Variants in CLYBL observed in about 807,000 individuals in gnomAD.
CLYBL encodes citramalyl-CoA lyase, mitochondrial.
In CLYBL, 31 loss-of-function variants were observed where a neutral mutation model predicts 38.9. The ratio of observed to expected loss-of-function variants is 0.80; its 90% CI spans 0.60 to 1.08. The LOEUF (loss-of-function observed/expected upper bound fraction) is 1.08. Among genes scored for constraint, CLYBL ranks in the 50% least tolerant of loss-of-function variants. CLYBL has a pLI of 0.00. For synonymous variants in CLYBL, 171 were observed against 158.6 expected, an observed-to-expected ratio of 1.08 and a Z score of -0.59; for missense variants, 434 against 411.6, an observed-to-expected ratio of 1.05 and a Z score of -0.47.
At chr13:99,756,287 C>T (rs142342500) in intron 1 of CLYBL, among the ~76,000 whole-genome samples, 1 of 152,262 alleles carries the variant, frequency 6.6e-6, no homozygotes. Flanking sequence ...GGATTAAATT[C>T]TGGTTACTAT....
In CLYBL at chr13:99,833,042, T is replaced by A. The variant is rs1198163169; in HGVS notation, c.250-25819T>A. Among the ~76,000 whole-genome samples the A allele has an allele frequency of 2.0e-3, 132 of 65,498 alleles. 3 individuals carry two copies. The highest frequency in any genetic ancestry group is 3.1e-3 in the Non-Finnish European group (99 of 31,456). 43.0% of individuals were successfully genotyped at this position (65,498 alleles called of 152,430 possible). A position where few individuals can be genotyped will look rare whatever the true frequency, so the allele number is the denominator to read the frequency against. ...TATATATATATATATTTTTTTTTTT[T>A]TTTTTTTTTTTTTTTTGAGATGGAG... On this transcript the variant is annotated intron_variant, in intron 2 of 8. Transcript: ENST00000339105.
At chr13:99,665,189 C>T (rs1473964781) in intron 1 of CLYBL, among the ~76,000 whole-genome samples, 1 of 151,792 alleles carries the variant, frequency 6.6e-6, no homozygotes, top group Non-Finnish European at 1.5e-5. Context: ...TCACTGCCGA[C>T]ATTCAGAAAC....
intron 1 of CLYBL, among the ~76,000 whole-genome samples, chr13:99,620,186 A>T (rs973465151): frequency 1.3e-5 from 2 of 152,226 alleles, no homozygotes; most frequent in African/African-American, 4.8e-5. Context: ...AACCTAAAAG[A>T]ACTCAGGAGA....
chr13:99,730,566 G>A (rs2048570691), intron 1 of CLYBL, among the ~76,000 whole-genome samples: 1 of 152,208 alleles, frequency 6.6e-6, no homozygotes, highest in Non-Finnish European at 1.5e-5. Flanking sequence ...GTATGGAGAT[G>A]GGGTGAGCCT....
intron 2 of CLYBL, among the ~76,000 whole-genome samples, chr13:99,811,469 A>G (rs1020108982): frequency 1.6e-4 from 24 of 152,148 alleles, no homozygotes; most frequent in Non-Finnish European, 2.6e-4. Context: ...TCCAAAATCA[A>G]TGTCCCTGTT....
downstream of CLYBL, among the ~76,000 whole-genome samples, chr13:99,901,135 C>T (rs941199967): frequency 6.6e-6 from 1 of 152,192 alleles, no homozygotes; most frequent in Non-Finnish European, 1.5e-5. Flanking sequence ...GAGGCTGCAG[C>T]GCCATGCTGA....
intron 1 of CLYBL, among the ~76,000 whole-genome samples, chr13:99,715,654 C>A (rs2048301188): frequency 6.6e-6 from 1 of 152,070 alleles, no homozygotes; most frequent in Non-Finnish European, 1.5e-5. Context: ...ATCACTACAC[C>A]CGGCCTGTAC....
chr13:99,617,429 TCTTA>T (rs1472537138), intron 1 of CLYBL, among the ~76,000 whole-genome samples: 4 of 152,240 alleles, frequency 2.6e-5, no homozygotes, highest in Non-Finnish European at 5.9e-5. Context: ...TGACTTGTCT[TCTTA>T]CTTAGTCTCA....
intron 2 of CLYBL, among the ~76,000 whole-genome samples, chr13:99,830,002 A>C (rs1392940728): frequency 2.0e-5 from 3 of 152,124 alleles, no homozygotes; most frequent in Admixed American, 2.0e-4. Context: ...TCACATTCTG[A>C]ATCATATGTG....
At chr13:99,804,170 A>G (rs754004) in intron 2 of CLYBL, among the ~76,000 whole-genome samples, 125,932 of 152,254 alleles carry the variant, frequency 0.83, 52,700 homozygotes, top group African/African-American at 0.95. Flanking sequence ...CAGTGCACAA[A>G]GGCAGAGAGC....
At position 99,764,111 on chromosome 13, in the gene CLYBL, C is replaced by G. The variant is rs567873404; in HGVS notation, c.63-8713C>G. ...AGGCTGGAGTGCAGCAGTGCAGTCA[C>G]AGCTCGGTGCAGTCACAGCTCACTG... On this transcript the variant is annotated intron_variant, in intron 1 of 8. Coordinates refer to ENST00000339105, the MANE Select transcript of CLYBL (RefSeq NM_206808.5). 4.0e-3 allele frequency among the ~76,000 whole-genome samples: 553 copies of G among 138,848 alleles called. 3 individuals carry two copies. Among genetic ancestry groups the G allele is most frequent in the African/African-American group, 0.016 (526 of 33,918 alleles). The allele number at this position is 138,848 out of a possible 152,430, so 91.1% of individuals were successfully genotyped here. A position where few individuals can be genotyped will look rare whatever the true frequency, so the allele number is the denominator to read the frequency against.
intron 1 of CLYBL, among the ~76,000 whole-genome samples, chr13:99,712,927 C>G (rs1256244640): frequency 6.6e-6 from 1 of 152,054 alleles, no homozygotes; most frequent in African/African-American, 2.4e-5. Flanking sequence ...TTTCCTCATT[C>G]AGGGCTGTGT....
At chr13:99,624,015 T>G (rs1233279340) in intron 1 of CLYBL, among the ~76,000 whole-genome samples, 5 of 150,826 alleles carry the variant, frequency 3.3e-5, no homozygotes, top group Non-Finnish European at 5.9e-5. Context: ...ATGGCGTGTA[T>G]GTAGTTCATA....
At chr13:99,708,042 G>T (rs1423705972) in intron 1 of CLYBL, among the ~76,000 whole-genome samples, 10 of 152,100 alleles carry the variant, frequency 6.6e-5, no homozygotes, top group Non-Finnish European at 4.4e-5. Flanking sequence ...GGATTGAAGT[G>T]GCGCAATCTC....
At chr13:99,765,032 A>T (rs1196339124) in intron 1 of CLYBL, among the ~76,000 whole-genome samples, 3 of 150,540 alleles carry the variant, frequency 2.0e-5, no homozygotes, top group Admixed American at 2.0e-4. Context: ...ATACCTTTAA[A>T]TGTTTTTCTT....
downstream of CLYBL, among the ~76,000 whole-genome samples, chr13:99,899,734 A>G (rs1415858654): frequency 6.6e-6 from 1 of 152,194 alleles, no homozygotes; most frequent in Non-Finnish European, 1.5e-5. Flanking sequence ...AGGAAAAACT[A>G]ATAAATAAAT....
intron 2 of CLYBL, among the ~76,000 whole-genome samples, chr13:99,835,304 T>C (rs1205843954): frequency 6.6e-6 from 1 of 152,176 alleles, no homozygotes; most frequent in Non-Finnish European, 1.5e-5. Flanking sequence ...AGCCGGGTGG[T>C]CCAAGGCAGG....
chr13:99,803,777 T>C (rs1479429232), intron 2 of CLYBL, among the ~76,000 whole-genome samples: 2 of 152,240 alleles, frequency 1.3e-5, no homozygotes, highest in African/African-American at 4.8e-5. Context: ...GTAAACTCTC[T>C]GGTCCTTTGC....
At chr13:99,891,263 G>A in intron 7 of CLYBL, 55 bp from the exon 8 acceptor site, 1 of 1,301,606 alleles carries the variant, frequency 7.7e-7, no homozygotes, top group Non-Finnish European at 1.1e-6. Context: ...TGCACAGAAA[G>A]GAAACCTATA....
Sources: gnomAD v4.1 joint callset for allele counts (sites outside exome capture counted in the v4.1 genomes callset) on GRCh38, gnomAD v4.1.1 for gene constraint, MANE v1.5 for transcripts, NCBI Gene and HGNC (gene_info 2026-07-23, HGNC 2026-07-21) for gene names.